NKAIN1: variants seen among roughly 807,000 people sequenced by gnomAD.
The protein encoded by NKAIN1 is sodium/potassium transporting ATPase interacting 1, also known as sodium/potassium-transporting ATPase subunit beta-1-interacting protein 1.
A neutral mutation model predicts 31.6 loss-of-function variants in NKAIN1; 13 were observed. That is an observed-to-expected ratio of 0.41 (90% CI 0.27 to 0.65). NKAIN1 has a LOEUF of 0.65. NKAIN1 is among the 30% of genes least tolerant of loss of function. The pLI, the probability that NKAIN1 is intolerant of heterozygous loss-of-function variation, is 0.30. For missense variants in NKAIN1, 193 were observed against 262.2 expected (o/e 0.74, Z 1.82); for synonymous variants, 104 against 109.0 (o/e 0.95, Z 0.28).
At chr1:31,217,364 C>T (rs142521010) in intron 1 of NKAIN1, among the ~76,000 whole-genome samples, 74 of 152,248 alleles carry the variant, frequency 4.9e-4, no homozygotes, top group African/African-American at 1.7e-3. Flanking sequence ...GGGGGTCTCA[C>T]TATGTTGTCC....
chr1:31,232,998 A>C (rs1645666090), intron 1 of NKAIN1, among the ~76,000 whole-genome samples: 3 of 152,084 alleles, frequency 2.0e-5, no homozygotes. Context: ...TGGTTTTCTC[A>C]ATCTGTATCA....
chr1:31,194,854 C>T (rs1164867590), intron 1 of NKAIN1, among the ~76,000 whole-genome samples: 1 of 138,018 alleles, frequency 7.2e-6, no homozygotes, highest in Non-Finnish European at 1.5e-5. Context: ...TCACCGCAAT[C>T]TCTGCCTCCC....
chr1:31,200,041 GCACA>G (rs1376261956), intron 1 of NKAIN1, among the ~76,000 whole-genome samples: 6 of 24,758 alleles, frequency 2.4e-4, no homozygotes, highest in East Asian at 6.9e-4. Context: ...ACACACACAT[GCACA>G]CGTGCACACA....
rs117053832 is a variant in NKAIN1, at chr1:31,190,587, G to A, written c.55-2400C>T. Reference sequence around the variant, plus strand: ...AGTCAAGAGGTGTAAATTGTGGTGGGAAGTCTGCCTCTGACTCCTGGGTGA... The same window carrying A: ...AGTCAAGAGGTGTAAATTGTGGTGGAAAGTCTGCCTCTGACTCCTGGGTGA... On this transcript the variant is annotated intron_variant, in intron 1 of 6. Coordinates refer to ENST00000373736, the MANE Select transcript of NKAIN1 (RefSeq NM_024522.3). 4.9e-3 allele frequency among the ~76,000 whole-genome samples: 745 copies of A among 152,238 alleles called. 38 individuals carry two copies. The East Asian group carries it at 0.098, about 20-fold the overall frequency.
At position 31,233,941 on chromosome 1, in the gene NKAIN1, G is replaced by A. The variant is rs944216179; in HGVS notation, c.54+5553C>T. Among the ~76,000 whole-genome samples the A allele has an allele frequency of 6.6e-6, 1 of 152,220 alleles. No homozygotes were observed. The highest frequency in any genetic ancestry group is 6.5e-5 in the Admixed American group (1 of 15,280). ...AGCAAGGCCTGATCCCAGATGTAGT[G>A]CTCCTAGCCCCTGTGCCAGATCTCA... On this transcript the variant is annotated intron_variant, in intron 1 of 6. Transcript: ENST00000373736. This position sits in a 1 kb window ranked among gnomAD's most constrained non-coding sequence, Gnocchi z 4.0.
chr1:31,192,555 A>G (rs201750705), intron 1 of NKAIN1, among the ~76,000 whole-genome samples: 3 of 146,676 alleles, frequency 2.0e-5, no homozygotes, highest in Non-Finnish European at 4.5e-5. Flanking sequence ...ATTTAAATGA[A>G]TTTTTTTTTT....
chr1:31,194,767 CTTTTTT>C (rs35385145), intron 1 of NKAIN1, among the ~76,000 whole-genome samples: 2 of 99,400 alleles, frequency 2.0e-5, no homozygotes, highest in East Asian at 2.9e-4. Flanking sequence ...CTCTCTCTCT[CTTTTTT>C]TTTTTTTTTT....
intron 1 of NKAIN1, among the ~76,000 whole-genome samples, chr1:31,228,415 G>T (rs1645623720): frequency 6.6e-6 from 1 of 152,078 alleles, no homozygotes; most frequent in Non-Finnish European, 1.5e-5. Context: ...TGTGATTTGA[G>T]GTATGGGGTG....
At chr1:31,182,700 T>G in intron 4 of NKAIN1, 110 bp from the exon 5 acceptor site, 2 of 1,123,226 alleles carry the variant, frequency 1.8e-6, no homozygotes, top group South Asian at 2.7e-5. Flanking sequence ...CATGCCAGGA[T>G]GAAGGCAAAC....
chr1:31,216,094 C>T lies in NKAIN1; in HGVS notation c.54+23400G>A, dbSNP rs190314233. On this transcript the variant is annotated intron_variant, in intron 1 of 6. Coordinates refer to ENST00000373736, the MANE Select transcript of NKAIN1 (RefSeq NM_024522.3). ...GCCCCACTGCAGCTTTGGGAGGAGA[C>T]TTTCTCTCCCTCTATCTCGCAGGCA... Among the ~76,000 whole-genome samples the T allele has an allele frequency of 6.6e-4, 100 of 151,662 alleles. 1 individual carries two copies. Among genetic ancestry groups the T allele is most frequent in the African/African-American group, 2.1e-3 (86 of 41,110 alleles).
Position 31,233,254 on chromosome 1 carries a change from A to G in NKAIN1, c.54+6240T>C, listed in dbSNP as rs955560398. 6.6e-6 allele frequency among the ~76,000 whole-genome samples: 1 copy of G among 152,224 alleles called. No homozygotes were observed. Among genetic ancestry groups the G allele is most frequent in the Non-Finnish European group, 1.5e-5 (1 of 68,044 alleles). On this transcript the variant is annotated intron_variant, in intron 1 of 6. Transcript: ENST00000373736. The surrounding 1 kb of genome is among the most constrained non-coding windows in gnomAD (Gnocchi z 4.0). ...TGTGAGCTACCGCACCCAGCCGTGCATCACAGCTCTTTTAAGTCCAGCACA... is the reference window on the plus strand; with the variant it reads ...TGTGAGCTACCGCACCCAGCCGTGCGTCACAGCTCTTTTAAGTCCAGCACA...
chr1:31,218,016 T>TTTTCTTTTTC (rs1645526555), intron 1 of NKAIN1, among the ~76,000 whole-genome samples: 1 of 108,212 alleles, frequency 9.2e-6, no homozygotes, highest in African/African-American at 3.7e-5. Context: ...GCAGCTACCA[T>TTTTCTTTTTC]TTTCTTTCTT....
At chr1:31,229,121 G>A (rs1311698408) in intron 1 of NKAIN1, among the ~76,000 whole-genome samples, 1 of 152,200 alleles carries the variant, frequency 6.6e-6, no homozygotes, top group African/African-American at 2.4e-5. Flanking sequence ...GCAGCTGAGG[G>A]CATGTTTCAT....
chr1:31,181,864 A>C lies in NKAIN1; in HGVS notation c.610T>G (p.Tyr204Asp), dbSNP rs754302070. The change falls in exon 6 of 7, where the codon TAC becomes GAC. Residue 204 changes from tyrosine (Y) to aspartate (D), a missense_variant. Coordinates refer to ENST00000373736, the MANE Select transcript of NKAIN1 (RefSeq NM_024522.3). ...CAGCAGGGGGCCGTGACCCACGTGT[A>C]CAGAGGCTGCAGCTGTAAATGCGAC... ...KTSHLQLQPL[Y>D]TSG 6.2e-7 allele frequency: 1 copy of C among 1,606,488 alleles called. No homozygotes were observed. Among genetic ancestry groups the C allele is most frequent in the East Asian group, 2.2e-5 (1 of 44,660 alleles).
intron 1 of NKAIN1, among the ~76,000 whole-genome samples, chr1:31,228,864 G>C (rs921259458): frequency 6.6e-6 from 1 of 152,054 alleles, no homozygotes; most frequent in Admixed American, 6.6e-5. Flanking sequence ...CCAAAGTGCT[G>C]GGATTATAGG....
At chr1:31,224,303 A>T (rs1645585543) in intron 1 of NKAIN1, among the ~76,000 whole-genome samples, 1 of 152,204 alleles carries the variant, frequency 6.6e-6, no homozygotes, top group South Asian at 2.1e-4. Context: ...TGAATAAATG[A>T]ACAGGGAGGA....
chr1:31,230,737 G>A (rs936477668), intron 1 of NKAIN1, among the ~76,000 whole-genome samples: 2 of 145,166 alleles, frequency 1.4e-5, no homozygotes, highest in African/African-American at 4.9e-5. Context: ...AATTTTTGTG[G>A]GTTACATAGT....
At chr1:31,191,290 CAA>C (rs1261608850) in intron 1 of NKAIN1, among the ~76,000 whole-genome samples, 10 of 94,598 alleles carry the variant, frequency 1.1e-4, no homozygotes, top group Admixed American at 1.3e-4. Flanking sequence ...GACTCTGTCT[CAA>C]AAAAAAAAAA....
intron 1 of NKAIN1, among the ~76,000 whole-genome samples, chr1:31,207,592 C>G (rs1645434560): frequency 6.6e-6 from 1 of 152,134 alleles, no homozygotes; most frequent in South Asian, 2.1e-4. Flanking sequence ...CTGCCTGACC[C>G]CCCTGCCCCA....
Sources: allele counts gnomAD v4.1 joint callset (sites outside exome capture counted in the v4.1 genomes callset), GRCh38; gene constraint gnomAD v4.1.1; non-coding constraint Gnocchi (gnomAD v3.1); transcripts MANE v1.5; gene names NCBI Gene and HGNC (gene_info 2026-07-23, HGNC 2026-07-21).